VCP: variants seen among roughly 807,000 people sequenced by gnomAD.
The protein encoded by VCP is valosin containing protein, also known as transitional endoplasmic reticulum ATPase.
A neutral mutation model predicts 85.7 loss-of-function variants in VCP; 6 were observed. The observed-to-expected ratio is 0.07, with a 90% CI of 0.04 to 0.14. VCP has a LOEUF of 0.14. Ranked by LOEUF, VCP falls within the 10% of genes least tolerant of loss-of-function variation. The pLI, the probability that VCP is intolerant of heterozygous loss-of-function variation, is 1.00. For synonymous variants in VCP, 384 were observed against 367.1 expected (o/e 1.05, Z -0.53); for missense variants, 353 against 1,043.4 (o/e 0.34, Z 9.12).
chr9:35,058,072 G>C (rs939540191), intron 15 of VCP, among the ~76,000 whole-genome samples: 1 of 152,144 alleles, frequency 6.6e-6, no homozygotes, highest in East Asian at 1.9e-4. Context: ...CCTACTACTA[G>C]AGCACATTAT....
At chr9:35,065,482 G>A in intron 4 of VCP, 101 bp from the exon 5 acceptor site, 2 of 1,516,842 alleles carry the variant, frequency 1.3e-6, no homozygotes, top group South Asian at 1.2e-5. Flanking sequence ...TCATTAGATA[G>A]TGCCCTTCAT....
chr9:35,068,949 A>G (rs1451102640), intron 1 of VCP, among the ~76,000 whole-genome samples: 1 of 152,216 alleles, frequency 6.6e-6, no homozygotes, highest in East Asian at 1.9e-4. Flanking sequence ...AACAGTATAG[A>G]GTAAAGCATA....
intron 6 of VCP, 151 bp from the exon 7 acceptor site, chr9:35,063,231 C>A: frequency 1.4e-6 from 1 of 722,566 alleles, no homozygotes; most frequent in Non-Finnish European, 2.4e-6. Context: ...AAGACAATTA[C>A]TTTAGGCCAC....
chr9:35,056,754 C>T lies in VCP; in HGVS notation c.*363G>A. On this transcript the variant is annotated 3_prime_UTR_variant, in exon 17 of 17. Transcript: ENST00000358901. ...GGATAGGGGGAAGGGAGGGCTCGGG[C>T]AGCATTGAGTCAAGTGCAGATGCTT... is the stretch of plus-strand genomic sequence containing the variant. 1 of 326,852 alleles carries T rather than the reference C, an allele frequency of 3.1e-6. No individual in the cohort carries two copies. Among genetic ancestry groups the T allele is most frequent in the Non-Finnish European group, 6.0e-6 (1 of 167,174 alleles). The allele number at this position is 326,852 out of a possible 1,614,324, so 20.2% of individuals were successfully genotyped here. A position where few individuals can be genotyped will look rare whatever the true frequency, so the allele number is the denominator to read the frequency against.
chr9:35,063,388 A>G (rs1353828490), intron 6 of VCP, among the ~76,000 whole-genome samples: 2 of 152,186 alleles, frequency 1.3e-5, no homozygotes, highest in East Asian at 1.9e-4. Context: ...AGGCCATTAC[A>G]CTAAGGGCTC....
intron 1 of VCP, among the ~76,000 whole-genome samples, chr9:35,070,074 A>G (rs935090805): frequency 7.9e-5 from 12 of 152,168 alleles, no homozygotes; most frequent in Admixed American, 4.6e-4. Context: ...CCAAGAGAAA[A>G]ACAAACCCCA....
At chr9:35,067,425 T>C (rs988178821) in intron 3 of VCP, among the ~76,000 whole-genome samples, 1 of 151,972 alleles carries the variant, frequency 6.6e-6, no homozygotes, top group Non-Finnish European at 1.5e-5. Flanking sequence ...CTCCAACTAT[T>C]CCTCTCTCCC....
chr9:35,057,636 CAA>C, intron 15 of VCP, 106 bp from the exon 16 acceptor site: 2 of 1,461,018 alleles, frequency 1.4e-6, no homozygotes, highest in African/African-American at 2.8e-5. Flanking sequence ...CCTTCCAATC[CAA>C]CCTGAGGTAA....
At chr9:35,072,303 C>T (rs1828973626) in intron 1 of VCP, 34 bp downstream of exon 1, 1 of 1,482,994 alleles carries the variant, frequency 6.7e-7, no homozygotes, top group East Asian at 2.9e-5. Context: ...CGGTGCGCGC[C>T]GCCGCAGCAA....
chr9:35,072,415 C>G lies in VCP; in HGVS notation c.-62G>C. 6.9e-7 allele frequency: 1 copy of G among 1,450,414 alleles called. No individual in the cohort carries two copies. Among genetic ancestry groups the G allele is most frequent in the Non-Finnish European group, 9.0e-7 (1 of 1,107,036 alleles). 89.8% of individuals were successfully genotyped at this position (1,450,414 alleles called of 1,614,324 possible). On this transcript the variant is annotated 5_prime_UTR_variant, in exon 1 of 17. Coordinates refer to ENST00000358901, the MANE Select transcript of VCP (RefSeq NM_007126.5). ...CGCGGGTAACGGCTACGAGCGGTGG[C>G]AAGCGACCGACTGGGCCGGGGCTCG...
In VCP at chr9:35,057,060, C is replaced by T; in HGVS notation, c.*57G>A. The T allele has an allele frequency of 1.9e-6, 3 of 1,587,636 alleles. No individual in the cohort carries two copies. Among genetic ancestry groups the T allele is most frequent in the South Asian group, 2.2e-5 (2 of 90,358 alleles). On this transcript the variant is annotated 3_prime_UTR_variant, in exon 17 of 17. Coordinates refer to ENST00000358901, the MANE Select transcript of VCP (RefSeq NM_007126.5). ...GGTCCCTCTCCTGGGCAAGCGCCCC[C>T]ACCCCCAGGGAACAAGGTCCAGGCA...
At chr9:35,072,268 CG>C in intron 1 of VCP, 68 bp downstream of exon 1, 2 of 1,478,670 alleles carry the variant, frequency 1.4e-6, no homozygotes, top group South Asian at 2.5e-5. Flanking sequence ...CAGGCCCCGC[CG>C]GGCCTACCCT....
At chr9:35,070,467 T>C (rs1015626882) in intron 1 of VCP, among the ~76,000 whole-genome samples, 8 of 152,180 alleles carry the variant, frequency 5.3e-5, no homozygotes, top group East Asian at 1.9e-4. Context: ...GGAGTCTCCC[T>C]CTGTTGCCCA....
At position 35,072,575 on chromosome 9, in the gene VCP, G is replaced by A. The variant is rs925714162; in HGVS notation, c.-222C>T. 13 of 512,464 alleles carry A rather than the reference G, an allele frequency of 2.5e-5. No individual in the cohort carries two copies. The highest frequency in any genetic ancestry group is 1.0e-3 in the Middle Eastern group (2 of 1,948). The allele number at this position is 512,464 out of a possible 1,614,324, so 31.7% of individuals were successfully genotyped here. On this transcript the variant is annotated 5_prime_UTR_variant, in exon 1 of 17. Coordinates refer to ENST00000358901, the MANE Select transcript of VCP (RefSeq NM_007126.5). ...GCGAGGTGGCAGTGGCAGTGGCAGC[G>A]GCAGCGGCAGCGACGACTCAAACGA...
intron 6 of VCP, among the ~76,000 whole-genome samples, chr9:35,063,918 T>C (rs1284375689): frequency 6.6e-6 from 1 of 152,244 alleles, no homozygotes; most frequent in African/African-American, 2.4e-5. Flanking sequence ...TATATATATG[T>C]GTGTGTGTTT....
intron 15 of VCP, among the ~76,000 whole-genome samples, chr9:35,058,664 G>A (rs1984061): frequency 0.19 from 29,558 of 152,216 alleles, 3,118 homozygotes; most frequent in Middle Eastern, 0.26. Context: ...CTACTCGGGA[G>A]GCTGAGGCAG....
rs1276476611 is a variant in VCP, at chr9:35,062,026, A to G, written c.1058T>C (p.Ile353Thr). 2.5e-6 allele frequency: 4 copies of G among 1,614,068 alleles called. No individual in the cohort carries two copies. Among genetic ancestry groups the G allele is most frequent in the Non-Finnish European group, 3.4e-6 (4 of 1,180,036 alleles). ...ACCAAATCGCCGTAGAGCTGGGTCA[A>G]TGCTGTTGGGTCTGTTGGTTGCTGC... is the stretch of plus-strand genomic sequence containing the variant. ...VMAATNRPNS[I>T]DPALRRFGRF... is the part of the protein sequence containing the mutation. The change falls in exon 9 of 17, where the codon ATT becomes ACT. Residue 353 changes from isoleucine to threonine, a missense_variant. Physicochemically the swap from Ile to Thr is moderately conservative, Grantham distance 89 (BLOSUM62 -1). Coordinates refer to ENST00000358901, the MANE Select transcript of VCP (RefSeq NM_007126.5).
Position 35,059,546 on chromosome 9 carries a change from T to C in VCP, c.1951A>G (p.Lys651Glu). 29 of 1,614,128 alleles carry C rather than the reference T, an allele frequency of 1.8e-5. No homozygotes were observed. Among genetic ancestry groups the C allele is most frequent in the Non-Finnish European group, 2.4e-5 (28 of 1,180,022 alleles). Residue 651 changes from lysine to glutamate, a missense_variant, in exon 14 of 17, where the codon AAG becomes GAG. Transcript: ENST00000358901. The surrounding 1 kb of genome is among the most constrained non-coding windows in gnomAD (Gnocchi z 4.9). The stretch of plus-strand genomic sequence containing the variant: ...GCCTTGAGGATGGCAACACGGGACT[T>C]CTCATCAGGAAGTGGGATGTAGATG... ...QLIYIPLPDE[K>E]SRVAILKANL...
intron 7 of VCP, 23 bp downstream of exon 7, chr9:35,062,955 A>AT: frequency 6.2e-7 from 1 of 1,613,308 alleles, no homozygotes; most frequent in Non-Finnish European, 8.5e-7. Flanking sequence ...CTAGCTAGAC[A>AT]TAAGATGAAC....
Sources: gnomAD v4.1 joint callset for allele counts (sites outside exome capture counted in the v4.1 genomes callset) on GRCh38, gnomAD v4.1.1 for gene constraint, Gnocchi (gnomAD v3.1) non-coding constraint, MANE v1.5 for transcripts, NCBI Gene and HGNC (gene_info 2026-07-23, HGNC 2026-07-21) for gene names.